FHL1: variants seen among roughly 807,000 people sequenced by gnomAD.
FHL1 encodes the protein four and a half LIM domains protein 1.
Under a neutral mutation model 20.3 loss-of-function variants are expected in FHL1, and 1 was observed. That is an observed-to-expected ratio of 0.05 (90% CI 0.02 to 0.23). The LOEUF is 0.23. Among genes scored for constraint, FHL1 ranks in the 10% least tolerant of loss-of-function variants. FHL1 has a pLI of 1.00. For missense variants in FHL1, 177 were observed against 234.0 expected (o/e 0.76, Z 1.59); for synonymous variants, 82 against 88.9 (o/e 0.92, Z 0.44).
In FHL1 at chrX:136,176,368, T is replaced by C. The variant is rs182088711; in HGVS notation, c.-27+6388T>C. On this transcript the variant is annotated intron_variant, in intron 2 of 6. Coordinates refer to the FHL1 transcript ENST00000394153. Reference sequence around the variant, plus strand: ...TCAGCTGTATTCCCTATTTCAGATATACTTGTTTCTCTGCTGTAAGTACAC... The same window carrying C: ...TCAGCTGTATTCCCTATTTCAGATACACTTGTTTCTCTGCTGTAAGTACAC... 7.1e-3 allele frequency among the ~76,000 whole-genome samples: 803 copies of C among 112,579 alleles called. 9 individuals are homozygous for C. Among genetic ancestry groups the C allele is most frequent in the African/African-American group, 0.024 (758 of 31,009 alleles).
chrX:136,174,546 G>A (rs2072951885), intron 2 of FHL1, among the ~76,000 whole-genome samples: 1 of 111,526 alleles, frequency 9.0e-6, no homozygotes, highest in Non-Finnish European at 1.9e-5. Context: ...AGAAAAATCA[G>A]TCAGGCAGTG....
At chrX:136,153,843 T>C (rs1277856498) in intron 1 of FHL1, among the ~76,000 whole-genome samples, 2 of 111,485 alleles carry the variant, frequency 1.8e-5, no homozygotes, top group African/African-American at 3.3e-5. Flanking sequence ...TTTAAATGAC[T>C]AGATTTTCTG....
intron 2 of FHL1, among the ~76,000 whole-genome samples, chrX:136,186,408 A>G (rs750140846): frequency 1.4e-4 from 16 of 111,427 alleles, no homozygotes; most frequent in Non-Finnish European, 2.8e-4. Flanking sequence ...CATCCACTCC[A>G]GATCTTTTCA....
intron 2 of FHL1, among the ~76,000 whole-genome samples, chrX:136,180,317 A>G (rs1184808116): frequency 8.9e-6 from 1 of 112,315 alleles, no homozygotes; most frequent in African/African-American, 3.2e-5. Context: ...AAATCAAAGA[A>G]TTGGGGTTGA....
Position 136,207,886 on chromosome X carries a change from C to T in FHL1, c.474C>T (p.Phe158=). Residue 158 remains phenylalanine, a synonymous_variant, in exon 4 of 6, where the codon TTC becomes TTT. Transcript: ENST00000370683. ...CKQVIGTGSF[F]PKGEDFYCVT... ...AAGTCATCGGGACTGGAAGCTTCTT[C>T]CCTAAAGGGGAGGACTTCTACTGCG... 8.2e-7 allele frequency: 1 copy of T among 1,212,290 alleles called. No homozygotes were observed. Among genetic ancestry groups the T allele is most frequent in the Non-Finnish European group, 1.1e-6 (1 of 895,555 alleles).
intron 5 of FHL1, chrX:136,209,299 G>T (rs373785682): frequency 3.1e-5 from 37 of 1,208,972 alleles, no homozygotes; most frequent in Non-Finnish European, 4.0e-5. Flanking sequence ...GAAGCCCCCA[G>T]TGTGCCACGG....
chrX:136,207,553 G>A, intron 3 of FHL1: 2 of 439,814 alleles, frequency 4.5e-6, no homozygotes. Flanking sequence ...ATAGAGGTGG[G>A]GGAGTGGGGG....
chrX:136,192,533 C>G (rs2073452601), upstream of FHL1, among the ~76,000 whole-genome samples: 1 of 112,274 alleles, frequency 8.9e-6, no homozygotes, highest in African/African-American at 3.2e-5. Context: ...TTAGCATTTT[C>G]CAGGTGCTTT....
chrX:136,195,186 T>C (rs943821493), upstream of FHL1, among the ~76,000 whole-genome samples: 1 of 112,492 alleles, frequency 8.9e-6, no homozygotes, highest in African/African-American at 3.2e-5. Context: ...AGAACTACCA[T>C]ACTTGCCTAA....
At chrX:136,160,569 G>A (rs2072538463) in intron 1 of FHL1, among the ~76,000 whole-genome samples, 1 of 111,521 alleles carries the variant, frequency 9.0e-6, no homozygotes, top group Non-Finnish European at 1.9e-5. Context: ...TGGGACTGCA[G>A]GTGTGCATCA....
intron 2 of FHL1, among the ~76,000 whole-genome samples, chrX:136,180,125 G>T (rs1169404262): frequency 8.9e-6 from 1 of 111,995 alleles, no homozygotes; most frequent in Non-Finnish European, 1.9e-5. Flanking sequence ...TAACTCAAAT[G>T]TGCAATATGC....
At chrX:136,184,152 CTG>C (rs1437198305) in intron 2 of FHL1, among the ~76,000 whole-genome samples, 1 of 112,080 alleles carries the variant, frequency 8.9e-6, no homozygotes, top group Non-Finnish European at 1.9e-5. Flanking sequence ...CCTATCCTGG[CTG>C]TGTTACAAAG....
At chrX:136,201,394 G>A (rs191686700) in intron 1 of FHL1, among the ~76,000 whole-genome samples, 2 of 111,883 alleles carry the variant, frequency 1.8e-5, no homozygotes, top group East Asian at 5.7e-4. Context: ...CATGCGTGGT[G>A]TTTACTGAAG....
intron 1 of FHL1, among the ~76,000 whole-genome samples, chrX:136,202,184 G>A (rs1340896858): frequency 1.8e-5 from 2 of 110,688 alleles, no homozygotes; most frequent in Admixed American, 9.6e-5. Context: ...GCCCGACATG[G>A]CGAAACCCCG....
chrX:136,205,738 A>C (rs1387589160), intron 1 of FHL1, among the ~76,000 whole-genome samples: 1 of 112,014 alleles, frequency 8.9e-6, no homozygotes, highest in Non-Finnish European at 1.9e-5. Flanking sequence ...ATGAGCTGTC[A>C]GTTTCTATTC....
At chrX:136,148,881 G>T (rs1247964579) in intron 1 of FHL1, 1 of 112,250 alleles carries the variant, frequency 8.9e-6, no homozygotes, top group African/African-American at 3.2e-5. Context: ...GTAGCATTTC[G>T]CTTGGTTTTG....
intron 1 of FHL1, chrX:136,206,061 C>G (rs1369103040): frequency 3.0e-6 from 1 of 336,693 alleles, no homozygotes; most frequent in Non-Finnish European, 5.3e-6. Flanking sequence ...GCATCCTGTC[C>G]CCTATCTGGT....
chrX:136,148,595 C>G (rs1233109436), intron 1 of FHL1: 2 of 111,402 alleles, frequency 1.8e-5, no homozygotes, highest in African/African-American at 3.3e-5. Context: ...TTTCTGCTTT[C>G]GAAGTTTCTC....
rs746519781 is a variant in FHL1 at position 136,163,057 on chromosome X, G to A, written c.-100-6850G>A. 8.0e-5 allele frequency among the ~76,000 whole-genome samples: 9 copies of A among 112,208 alleles called. No homozygotes were observed. In the East Asian group the frequency reaches 2.5e-3, roughly 32 times the overall value. ...AAGGCAGAAGGGCAAGAGAGCCAAA[G>A]GCTCTGTTGAAGCTTTAATCCCATC... On this transcript the variant is annotated intron_variant, in intron 1 of 7. Transcript: ENST00000394155.
Sources: gnomAD v4.1 joint callset for allele counts (sites outside exome capture counted in the v4.1 genomes callset) on GRCh38, gnomAD v4.1.1 for gene constraint, MANE v1.5 for transcripts, NCBI Gene and HGNC (gene_info 2026-07-23, HGNC 2026-07-21) for gene names.